The following ANKRD29 variants were observed in gnomAD, a reference collection of about 807,000 sequenced individuals.
The protein encoded by ANKRD29 is ankyrin repeat domain 29.
In ANKRD29, 32 loss-of-function variants were observed where a neutral mutation model predicts 38.0. The observed-to-expected ratio is 0.84, with a 90% CI of 0.64 to 1.13. ANKRD29 has a LOEUF of 1.13. Ranked by LOEUF, ANKRD29 falls within the 50% of genes most tolerant of loss-of-function variation. The pLI, the probability that ANKRD29 is intolerant of heterozygous loss-of-function variation, is 0.00. For missense variants in ANKRD29, 357 were observed against 377.9 expected (o/e 0.94, Z 0.46); for synonymous variants, 135 against 152.4 (o/e 0.89, Z 0.84).
chr18:23,634,189 AG>A (rs749099482), intron 4 of ANKRD29, 40 bp from the exon 5 acceptor site: 1 of 1,539,904 alleles, frequency 6.5e-7, no homozygotes, highest in South Asian at 1.1e-5. Flanking sequence ...GAGGTGGCGC[AG>A]GCACATAATT....
At chr18:23,601,391 C>A (rs538318504) in intron 9 of ANKRD29, 82 bp from the exon 10 acceptor site, 1 of 1,101,622 alleles carries the variant, frequency 9.1e-7, no homozygotes, top group East Asian at 2.4e-5. Flanking sequence ...ATTTGACCCA[C>A]TCTTTCTCCT....
At chr18:23,660,907 A>T (rs1248157779) in intron 1 of ANKRD29, among the ~76,000 whole-genome samples, 1 of 152,222 alleles carries the variant, frequency 6.6e-6, no homozygotes, top group Non-Finnish European at 1.5e-5. Flanking sequence ...AGCTATTGCA[A>T]TCTGGCTCCT....
chr18:23,612,079 G>C lies in ANKRD29; in HGVS notation c.822+13C>G. 14 of 1,611,952 alleles carry C rather than the reference G, an allele frequency of 8.7e-6. No individual in the cohort carries two copies. The highest frequency in any genetic ancestry group is 1.2e-5 in the Non-Finnish European group (14 of 1,179,138). ...ATGGGCCCAAACGAGTTAAAAGATT[G>C]CTTAGTGGGTACCTTGTTTCTCAGG... On this transcript the variant is annotated intron_variant, in intron 9 of 9. Coordinates refer to ENST00000592179, the MANE Select transcript of ANKRD29 (RefSeq NM_173505.4).
chr18:23,653,496 A>T (rs1365607765), intron 1 of ANKRD29, among the ~76,000 whole-genome samples: 1 of 152,108 alleles, frequency 6.6e-6, no homozygotes, highest in Non-Finnish European at 1.5e-5. Context: ...TGATCCGCCC[A>T]TCTTGGCCTC....
At chr18:23,658,999 T>TGA (rs1290182356) in intron 1 of ANKRD29, among the ~76,000 whole-genome samples, 1 of 152,200 alleles carries the variant, frequency 6.6e-6, no homozygotes, top group Non-Finnish European at 1.5e-5. Flanking sequence ...TTGTTTGTTT[T>TGA]GAGACAGAGT....
chr18:23,601,599 A>G (rs753618812), intron 9 of ANKRD29, among the ~76,000 whole-genome samples: 4 of 152,206 alleles, frequency 2.6e-5, no homozygotes, highest in Non-Finnish European at 1.5e-5. Context: ...TATCTCCAGC[A>G]CAATGCCCAG....
intron 9 of ANKRD29, among the ~76,000 whole-genome samples, chr18:23,604,731 A>G (rs2059554617): frequency 1.3e-5 from 2 of 151,908 alleles, no homozygotes; most frequent in Non-Finnish European, 2.9e-5. Flanking sequence ...GGGTTTCACC[A>G]TGTTGGCCAG....
At chr18:23,632,245 T>A (rs901283830) in intron 5 of ANKRD29, among the ~76,000 whole-genome samples, 3 of 152,148 alleles carry the variant, frequency 2.0e-5, no homozygotes, top group Non-Finnish European at 4.4e-5. Flanking sequence ...TTTCTTTTTT[T>A]AATTTTTTTT....
chr18:23,644,608 G>C (rs1409012806), intron 3 of ANKRD29, among the ~76,000 whole-genome samples: 1 of 152,128 alleles, frequency 6.6e-6, no homozygotes, highest in South Asian at 2.1e-4. Context: ...TGTTGATCCA[G>C]GGCTACAGAG....
chr18:23,656,028 G>A (rs555348517), intron 1 of ANKRD29, among the ~76,000 whole-genome samples: 4 of 148,680 alleles, frequency 2.7e-5, no homozygotes, highest in Non-Finnish European at 3.0e-5. Flanking sequence ...GGGAGGCGGA[G>A]CTTGCAGTGA....
At chr18:23,634,585 C>T (rs2059979953) in intron 4 of ANKRD29, among the ~76,000 whole-genome samples, 1 of 151,990 alleles carries the variant, frequency 6.6e-6, no homozygotes. Context: ...CTACCATGTC[C>T]AGCCTACTTT....
chr18:23,649,381 C>T, intron 1 of ANKRD29, 188 bp from the exon 2 acceptor site: 1 of 702,782 alleles, frequency 1.4e-6, no homozygotes. Flanking sequence ...ACACCTGAGC[C>T]ACCACATGGC....
chr18:23,612,551 C>T (rs924692121), intron 8 of ANKRD29, among the ~76,000 whole-genome samples: 2 of 152,210 alleles, frequency 1.3e-5, no homozygotes, highest in Admixed American at 6.5e-5. Context: ...AAGGACAACA[C>T]GTACAGTCTG....
Position 23,662,898 on chromosome 18 carries a change from C to A in ANKRD29, c.-168G>T. On this transcript the variant is annotated 5_prime_UTR_variant, in exon 1 of 10. Transcript: ENST00000592179. ...GCAGCCGCCGCACACAGGGCCGGGC[C>A]GAAGGGGCGGCGCGGGGGCGCGCGC... 4.4e-6 allele frequency: 2 copies of A among 455,356 alleles called. No individual in the cohort carries two copies. Among genetic ancestry groups the A allele is most frequent in the Non-Finnish European group, 5.8e-6 (2 of 344,422 alleles). 28.2% of individuals were successfully genotyped at this position (455,356 alleles called of 1,614,324 possible).
intron 4 of ANKRD29, among the ~76,000 whole-genome samples, chr18:23,638,020 CAG>C (rs1421021988): frequency 1.2e-5 from 1 of 84,490 alleles, no homozygotes; most frequent in Non-Finnish European, 1.9e-5. Flanking sequence ...TTTTTTGAGA[CAG>C]AGTCTCACTC....
intron 6 of ANKRD29, among the ~76,000 whole-genome samples, chr18:23,625,976 A>T (rs918929600): frequency 1.3e-5 from 2 of 152,172 alleles, no homozygotes; most frequent in Non-Finnish European, 2.9e-5. Flanking sequence ...TGCACCAGCC[A>T]TGGGGATCTT....
At position 23,601,191 on chromosome 18, in the gene ANKRD29, A is replaced by C; in HGVS notation, c.*35T>G. Reference sequence around the variant, plus strand: ...CAATTTCTTTTTGGACAATGTGGTTAAGCTTTCTATCTTTCTGTCAAATAT... The same window carrying C: ...CAATTTCTTTTTGGACAATGTGGTTCAGCTTTCTATCTTTCTGTCAAATAT... On this transcript the variant is annotated 3_prime_UTR_variant, in exon 10 of 10. Coordinates refer to ENST00000592179, the MANE Select transcript of ANKRD29 (RefSeq NM_173505.4). 1 of 1,578,798 alleles carries C rather than the reference A, an allele frequency of 6.3e-7. No homozygotes were observed. Among genetic ancestry groups the C allele is most frequent in the African/African-American group, 1.4e-5 (1 of 74,030 alleles).
rs567855667 is a variant in ANKRD29 at position 23,621,841 on chromosome 18, A to AT, written c.529-2213dup. On this transcript the variant is annotated intron_variant, in intron 6 of 9. Transcript: ENST00000592179. The stretch of plus-strand genomic sequence containing the variant: ...AGGTGTGCACCACCATGCCCAGCTA[A>AT]TTTTTTTTTCTTTTTTTCTTTTTGT... 1.0e-3 allele frequency among the ~76,000 whole-genome samples: 151 copies of AT among 151,136 alleles called. No individual in the cohort carries two copies. The Middle Eastern group carries it at 0.014, about 14-fold the overall frequency.
chr18:23,636,004 G>A (rs760581338), intron 4 of ANKRD29, among the ~76,000 whole-genome samples: 2 of 152,168 alleles, frequency 1.3e-5, no homozygotes, highest in East Asian at 1.9e-4. Context: ...TTGCGTAACA[G>A]CAGGAATAAG....
Sources: gnomAD v4.1 joint callset for allele counts (sites outside exome capture counted in the v4.1 genomes callset) on GRCh38, gnomAD v4.1.1 for gene constraint, MANE v1.5 for transcripts, NCBI Gene and HGNC (gene_info 2026-07-23, HGNC 2026-07-21) for gene names.